Variants in CCDC137 observed in about 807,000 individuals in gnomAD.
The protein encoded by CCDC137 is coiled-coil domain-containing protein 137.
CCDC137 carries 24 observed loss-of-function variants against 30.4 expected under a neutral mutation model. The observed-to-expected ratio is 0.79, with a 90% CI of 0.57 to 1.11. The LOEUF is 1.11. CCDC137 is among the 50% of genes least tolerant of loss of function. The pLI is 0.00. For synonymous variants in CCDC137, 182 were observed against 155.7 expected, an observed-to-expected ratio of 1.17 and a Z score of -1.26; for missense variants, 417 against 380.4, an observed-to-expected ratio of 1.10 and a Z score of -0.80.
chr17:81,671,312 T>C lies in CCDC137; in HGVS notation c.498-432T>C, dbSNP rs531311758. ...TGATCTCCAGAGCTGTCGCTGAAGG[T>C]GAAGCTTCCAGATTCACATTGAGGG... On this transcript the variant is annotated intron_variant, in intron 3 of 5. Coordinates refer to ENST00000329214, the MANE Select transcript of CCDC137 (RefSeq NM_199287.3). Among the ~76,000 whole-genome samples, 10 of 152,136 alleles carry C rather than the reference T, an allele frequency of 6.6e-5. 1 individual carries two copies. The South Asian group carries it at 2.1e-3, about 32-fold the overall frequency.
rs7502870 is a variant in CCDC137 at position 81,672,168 on chromosome 17, C to T, written c.660+13C>T. 342,762 of 1,611,666 alleles carry T rather than the reference C, an allele frequency of 0.21. 38,007 individuals are homozygous for T. Among genetic ancestry groups the T allele is most frequent in the African/African-American group, 0.36 (26,609 of 74,822 alleles). Reference sequence around the variant, plus strand: ...AAGCAAGGACCAGGTAAGTGGGGCACGGGGACAACTTGAGTTTGTCCCCCA... The same window carrying T: ...AAGCAAGGACCAGGTAAGTGGGGCATGGGGACAACTTGAGTTTGTCCCCCA... On this transcript the variant is annotated intron_variant, in intron 5 of 5. Transcript: ENST00000329214.
Position 81,672,740 on chromosome 17 carries a change from C to A in CCDC137, c.*36C>A. Reference sequence around the variant, plus strand: ...CCCGGGGCCTGGCCACGCTCTGGGGCAACTGGCACCAGGAGCTGCTACACC... The same window carrying A: ...CCCGGGGCCTGGCCACGCTCTGGGGAAACTGGCACCAGGAGCTGCTACACC... On this transcript the variant is annotated 3_prime_UTR_variant, in exon 6 of 6. Transcript: ENST00000329214. 1 of 1,506,306 alleles carries A rather than the reference C, an allele frequency of 6.6e-7. No homozygotes were observed. Among genetic ancestry groups the A allele is most frequent in the Non-Finnish European group, 8.9e-7 (1 of 1,120,036 alleles). 93.3% of individuals were successfully genotyped at this position (1,506,306 alleles called of 1,614,324 possible).
At chr17:81,668,828 G>A (rs2036683937) in intron 2 of CCDC137, among the ~76,000 whole-genome samples, 1 of 151,734 alleles carries the variant, frequency 6.6e-6, no homozygotes, top group Non-Finnish European at 1.5e-5. Flanking sequence ...AGCCGCCTGA[G>A]TAGCTGGGAT....
chr17:81,672,913 G>A lies in CCDC137; in HGVS notation c.*209G>A, dbSNP rs2036739223. On this transcript the variant is annotated 3_prime_UTR_variant, in exon 6 of 6. Coordinates refer to ENST00000329214, the MANE Select transcript of CCDC137 (RefSeq NM_199287.3). ...AGGCCTGGTTGACAGACGGCCCGTG[G>A]GGCCCGGTGTCACTCACAGCTCCAT... is the stretch of plus-strand genomic sequence containing the variant. The A allele has an allele frequency of 1.7e-6, 1 of 581,318 alleles. No homozygotes were observed. The highest frequency in any genetic ancestry group is 3.3e-5 in the Admixed American group (1 of 30,416). The allele number at this position is 581,318 out of a possible 1,614,324, so 36.0% of individuals were successfully genotyped here. A position where few individuals can be genotyped will look rare whatever the true frequency, so the allele number is the denominator to read the frequency against.
Position 81,673,678 on chromosome 17 carries a change from C to T in CCDC137, c.*974C>T, listed in dbSNP as rs1278940301. The T allele has an allele frequency of 1.3e-5, 2 of 152,264 alleles. No individual in the cohort carries two copies. The highest frequency in any genetic ancestry group is 6.5e-5 in the Admixed American group (1 of 15,268). 9.4% of individuals were successfully genotyped at this position (152,264 alleles called of 1,614,324 possible). ...ACATCCAGCAATGGAGTCCGACAGC[C>T]CAGCACCATCTGGGAACTGAGAAGC... On this transcript the variant is annotated 3_prime_UTR_variant, in exon 6 of 6. Transcript: ENST00000329214.
intron 4 of CCDC137, 72 bp from the exon 5 acceptor site, chr17:81,672,004 G>A (rs1278155760): frequency 1.8e-5 from 28 of 1,550,846 alleles, no homozygotes; most frequent in Middle Eastern, 3.4e-4. Flanking sequence ...GGAGGTGGGC[G>A]GGTGGTGGCT....
intron 2 of CCDC137, among the ~76,000 whole-genome samples, chr17:81,668,410 G>A (rs964230178): frequency 3.9e-5 from 6 of 152,178 alleles, no homozygotes; most frequent in Non-Finnish European, 7.3e-5. Context: ...GTGTCCACAT[G>A]TCCACCGCTG....
intron 2 of CCDC137, among the ~76,000 whole-genome samples, chr17:81,668,241 T>C (rs1269469106): frequency 2.0e-5 from 3 of 152,170 alleles, no homozygotes; most frequent in Non-Finnish European, 2.9e-5. Flanking sequence ...AGAGTGGACC[T>C]GGCAACTGGC....
At chr17:81,671,673 G>T in intron 3 of CCDC137, 71 bp from the exon 4 acceptor site, 1 of 1,493,298 alleles carries the variant, frequency 6.7e-7, no homozygotes, top group Non-Finnish European at 9.3e-7. Flanking sequence ...TTGTGGGTGG[G>T]GCGGCCTCTG....
At chr17:81,671,247 A>T (rs766650903) in intron 3 of CCDC137, among the ~76,000 whole-genome samples, 25 of 152,198 alleles carry the variant, frequency 1.6e-4, no homozygotes, top group South Asian at 4.1e-4. Context: ...GTGAAAGTTC[A>T]TCACAGAGAA....
At chr17:81,668,519 T>A (rs2055990804) in intron 2 of CCDC137, among the ~76,000 whole-genome samples, 1 of 152,168 alleles carries the variant, frequency 6.6e-6, no homozygotes, top group African/African-American at 2.4e-5. Flanking sequence ...TGGCACTGGT[T>A]TTACAGCAAA....
intron 2 of CCDC137, 154 bp from the exon 3 acceptor site, chr17:81,670,071 C>T (rs900126158): frequency 3.8e-5 from 24 of 627,410 alleles, no homozygotes; most frequent in African/African-American, 2.6e-4. Flanking sequence ...GATGCCGGGC[C>T]GGGCATTCTA....
At chr17:81,670,803 C>T (rs1389461344) in intron 3 of CCDC137, among the ~76,000 whole-genome samples, 1 of 152,068 alleles carries the variant, frequency 6.6e-6, no homozygotes, top group East Asian at 1.9e-4. Context: ...AACAGAATGT[C>T]TCTCGTCCAA....
intron 2 of CCDC137, chr17:81,669,973 A>G (rs745685421): frequency 5.9e-6 from 3 of 506,194 alleles, no homozygotes; most frequent in African/African-American, 5.8e-5. Context: ...AGGGGTGGAC[A>G]TTAGGTTGTT....
chr17:81,667,472 C>T (rs929048108), intron 1 of CCDC137, among the ~76,000 whole-genome samples: 1 of 151,958 alleles, frequency 6.6e-6, no homozygotes, highest in African/African-American at 2.4e-5. Context: ...GGACTACAGG[C>T]GCCCGCCACC....
In CCDC137 at chr17:81,672,718, G is replaced by C. The variant is rs762661218; in HGVS notation, c.*14G>C. 6.4e-7 allele frequency: 1 copy of C among 1,553,642 alleles called. No homozygotes were observed. The highest frequency in any genetic ancestry group is 1.2e-5 in the South Asian group (1 of 83,874). ...CCGCAGCTGTGATGGAGAGACACCC[G>C]GGGCCTGGCCACGCTCTGGGGCAAC... On this transcript the variant is annotated 3_prime_UTR_variant, in exon 6 of 6. Transcript: ENST00000329214.
At chr17:81,668,700 G>GTTTA (rs976084702) in intron 2 of CCDC137, among the ~76,000 whole-genome samples, 1 of 150,220 alleles carries the variant, frequency 6.7e-6, no homozygotes, top group Non-Finnish European at 1.5e-5. Flanking sequence ...TTGTTTGTTT[G>GTTTA]TTTATTTATT....
In CCDC137 at chr17:81,666,760, C is replaced by A. The variant is rs747656732; in HGVS notation, c.-7C>A. 7 of 1,460,110 alleles carry A rather than the reference C, an allele frequency of 4.8e-6. No homozygotes were observed. The highest frequency in any genetic ancestry group is 6.3e-6 in the Non-Finnish European group (7 of 1,109,900). The allele number at this position is 1,460,110 out of a possible 1,614,324, so 90.4% of individuals were successfully genotyped here. A position where few individuals can be genotyped will look rare whatever the true frequency, so the allele number is the denominator to read the frequency against. On this transcript the variant is annotated 5_prime_UTR_variant, in exon 1 of 6. Transcript: ENST00000329214. ...GTGGCTTCGCTAGGGAGCCTCCCGG[C>A]GTGGAGATGGCGGGAGCTGGTCGCG...
rs535175198 is a variant in CCDC137, at chr17:81,673,564, G to C, written c.*860G>C. 1 of 152,318 alleles carries C rather than the reference G, an allele frequency of 6.6e-6. No homozygotes were observed. The highest frequency in any genetic ancestry group is 1.5e-5 in the Non-Finnish European group (1 of 68,106). The allele number at this position is 152,318 out of a possible 1,614,324, so 9.4% of individuals were successfully genotyped here. On this transcript the variant is annotated 3_prime_UTR_variant, in exon 6 of 6. Transcript: ENST00000329214. ...CCTGCTGAGGGCAGGGCCTTGCCAG[G>C]CTTCAGTCTCCAGTGCCAAAGGAGG...
Sources: gnomAD v4.1 joint callset for allele counts (sites outside exome capture counted in the v4.1 genomes callset) on GRCh38, gnomAD v4.1.1 for gene constraint, MANE v1.5 for transcripts, NCBI Gene and HGNC (gene_info 2026-07-23, HGNC 2026-07-21) for gene names.